Variants in GAN observed in about 807,000 individuals in gnomAD.
GAN encodes epididymis secretory sperm binding protein.
A neutral mutation model predicts 71.3 loss-of-function variants in GAN; 48 were observed. The observed-to-expected ratio is 0.67, with a 90% CI of 0.53 to 0.86. The LOEUF (loss-of-function observed/expected upper bound fraction) is 0.86, where lower values mean the gene tolerates loss of function less well. GAN is among the 40% of genes least tolerant of loss of function. The pLI is 0.00. For missense variants in GAN, 928 were observed against 770.1 expected (o/e 1.21, Z -2.43); for synonymous variants, 386 against 276.8 (o/e 1.39, Z -3.92).
chr16:81,363,992 A>C (rs752394289), intron 7 of GAN, 49 bp downstream of exon 7: 18 of 1,371,860 alleles, frequency 1.3e-5, no homozygotes, highest in Middle Eastern at 1.8e-4. Context: ...ATTGGATTTT[A>C]AACTTAATGT....
Position 81,335,934 on chromosome 16 carries a change from G to T in GAN, c.168-15649G>T, listed in dbSNP as rs116523237. Among the ~76,000 whole-genome samples, 967 of 152,086 alleles carry T rather than the reference G, an allele frequency of 6.4e-3. 15 individuals are homozygous for T. Among genetic ancestry groups the T allele is most frequent in the African/African-American group, 0.022 (922 of 41,470 alleles). On this transcript the variant is annotated intron_variant, in intron 1 of 10. Transcript: ENST00000648994. ...GCTCTGAGCTCAGTGAGAGGAGGTG[G>T]GTGCCCCATGCGGGTTCCTGCCCTT...
chr16:81,348,749 G>GTTCAACTGGGTCAT (rs1910204236), intron 1 of GAN, among the ~76,000 whole-genome samples: 1 of 152,184 alleles, frequency 6.6e-6, no homozygotes, highest in Admixed American at 6.5e-5. Flanking sequence ...TTGAACACAG[G>GTTCAACTGGGTCAT]TTTTGCTGTT....
intron 9 of GAN, among the ~76,000 whole-genome samples, chr16:81,368,772 C>G (rs1484866556): frequency 2.0e-5 from 3 of 152,212 alleles, no homozygotes; most frequent in Non-Finnish European, 4.4e-5. Context: ...TCATTAGCCT[C>G]TGGCCAGCCT....
intron 1 of GAN, among the ~76,000 whole-genome samples, chr16:81,350,248 C>G (rs2150683084): frequency 6.6e-6 from 1 of 152,262 alleles, no homozygotes; most frequent in South Asian, 2.1e-4. Context: ...TGGCTACAAA[C>G]ATACAAAGAG....
chr16:81,344,604 T>A (rs191622813), intron 1 of GAN, among the ~76,000 whole-genome samples: 2 of 152,160 alleles, frequency 1.3e-5, no homozygotes, highest in African/African-American at 2.4e-5. Context: ...TATACAAAAA[T>A]CAACTCAAGA....
intron 9 of GAN, among the ~76,000 whole-genome samples, chr16:81,370,864 T>C (rs1355324053): frequency 9.9e-5 from 15 of 152,282 alleles, no homozygotes; most frequent in Admixed American, 9.8e-4. Flanking sequence ...TACTCTTTTC[T>C]AGCTTCTTCA....
chr16:81,330,787 A>AG (rs1278217037), intron 1 of GAN, among the ~76,000 whole-genome samples: 1 of 152,260 alleles, frequency 6.6e-6, no homozygotes, highest in Non-Finnish European at 1.5e-5. Context: ...GAAACCCAAG[A>AG]GGTACCACCT....
In GAN at chr16:81,377,432, G is replaced by A. The variant is rs200071978; in HGVS notation, c.1630G>A (p.Val544Met). Residue 544 changes from valine (V) to methionine (M), a missense_variant, in exon 11 of 11, where the codon GTG (valine) becomes ATG (methionine). Transcript: ENST00000648994. ...DLDTGTNYDYVREFKRSTGTW... is the reference protein window; with the variant it reads ...DLDTGTNYDYMREFKRSTGTW... ...TGGCTTAGGTACCAATTACGACTACGTGCGTGAGTTTAAAAGAAGCACAGG... is the reference window on the plus strand; with the variant it reads ...TGGCTTAGGTACCAATTACGACTACATGCGTGAGTTTAAAAGAAGCACAGG... 416 of 1,613,834 alleles carry A rather than the reference G, an allele frequency of 2.6e-4. No individual in the cohort carries two copies. The highest frequency in any genetic ancestry group is 3.1e-4 in the Non-Finnish European group (370 of 1,179,844).
At chr16:81,348,041 T>C (rs1652327914) in intron 1 of GAN, among the ~76,000 whole-genome samples, 1 of 152,024 alleles carries the variant, frequency 6.6e-6, no homozygotes, top group African/African-American at 2.4e-5. Flanking sequence ...AAAATAGAGG[T>C]GGGGTGTCGC....
rs190545856 is a variant in GAN at position 81,338,115 on chromosome 16, C to T, written c.168-13468C>T. ...TGTCTTGCCCTAGAAACAGAAAACG[C>T]GGAACAATGTGACATGCATAGTATT... is the stretch of plus-strand genomic sequence containing the variant. On this transcript the variant is annotated intron_variant, in intron 1 of 10. Transcript: ENST00000648994. Among the ~76,000 whole-genome samples, 54 of 152,182 alleles carry T rather than the reference C, an allele frequency of 3.5e-4. No homozygotes were observed. The East Asian group carries it at 7.3e-3, about 21-fold the overall frequency.
At chr16:81,338,355 C>T (rs893493202) in intron 1 of GAN, among the ~76,000 whole-genome samples, 3 of 152,010 alleles carry the variant, frequency 2.0e-5, no homozygotes, top group Admixed American at 1.3e-4. Flanking sequence ...GGACAGAGAA[C>T]ATAGAAAAGG....
chr16:81,329,201 G>A (rs1372045562), intron 1 of GAN, among the ~76,000 whole-genome samples: 1 of 151,032 alleles, frequency 6.6e-6, no homozygotes, highest in Non-Finnish European at 1.5e-5. Context: ...TTCTCTCCTG[G>A]CTTCTTTGCC....
At chr16:81,365,176 C>G in intron 8 of GAN, 66 bp downstream of exon 8, 1 of 1,583,804 alleles carries the variant, frequency 6.3e-7, no homozygotes, top group Non-Finnish European at 8.7e-7. Context: ...GCCCCTTACC[C>G]TGCCTGGCTT....
intron 9 of GAN, among the ~76,000 whole-genome samples, chr16:81,370,171 A>G (rs1219137597): frequency 6.6e-6 from 1 of 152,262 alleles, no homozygotes; most frequent in African/African-American, 2.4e-5. Context: ...GCTGTATATT[A>G]GTCCACAGAG....
chr16:81,327,352 A>G (rs532311233), intron 1 of GAN, among the ~76,000 whole-genome samples: 1 of 152,304 alleles, frequency 6.6e-6, no homozygotes, highest in African/African-American at 2.4e-5. Flanking sequence ...GAGCTTAAAC[A>G]TGCTAACGGG....
intron 1 of GAN, among the ~76,000 whole-genome samples, chr16:81,348,425 C>T (rs1347667631): frequency 6.6e-6 from 1 of 151,936 alleles, no homozygotes; most frequent in Non-Finnish European, 1.5e-5. Context: ...AGTTTTGTTC[C>T]TGTCTTTTAT....
At chr16:81,349,028 A>C (rs1179822535) in intron 1 of GAN, among the ~76,000 whole-genome samples, 1 of 152,000 alleles carries the variant, frequency 6.6e-6, no homozygotes, top group East Asian at 1.9e-4. Flanking sequence ...TCAGTTGTAT[A>C]CTCTTCAAAA....
At position 81,337,590 on chromosome 16, in the gene GAN, G is replaced by C. The variant is rs533522119; in HGVS notation, c.168-13993G>C. 9.9e-5 allele frequency among the ~76,000 whole-genome samples: 15 copies of C among 152,178 alleles called. No individual in the cohort carries two copies. The South Asian group carries it at 2.1e-3, about 21-fold the overall frequency. ...TTTTCCAGCATTTTGGAAGCAAGAA[G>C]GGGACTATACGTACCCAGTGGATGA... is the stretch of plus-strand genomic sequence containing the variant. On this transcript the variant is annotated intron_variant, in intron 1 of 10. Coordinates refer to ENST00000648994, the MANE Select transcript of GAN (RefSeq NM_022041.4).
intron 1 of GAN, among the ~76,000 whole-genome samples, chr16:81,319,707 CG>C (rs1909163777): frequency 6.6e-6 from 1 of 152,002 alleles, no homozygotes; most frequent in African/African-American, 2.4e-5. Context: ...GGCTTCCCCC[CG>C]ACCCCCCCTT....
Sources: gnomAD v4.1 joint callset for allele counts (sites outside exome capture counted in the v4.1 genomes callset) on GRCh38, gnomAD v4.1.1 for gene constraint, MANE v1.5 for transcripts, NCBI Gene and HGNC (gene_info 2026-07-23, HGNC 2026-07-21) for gene names.